The following LTBP1 variants were observed in gnomAD, a reference collection of about 807,000 sequenced individuals.
The protein encoded by LTBP1 is latent-transforming growth factor beta-binding protein 1.
A neutral mutation model predicts 207.6 loss-of-function variants in LTBP1; 129 were observed. The observed-to-expected ratio is 0.62, with a 90% CI of 0.54 to 0.72. The LOEUF is 0.72. Among genes scored for constraint, LTBP1 ranks in the 30% least tolerant of loss-of-function variants. LTBP1 has a pLI of 0.00. For missense variants in LTBP1, 2,281 were observed against 2,217.2 expected, an observed-to-expected ratio of 1.03 and a Z score of -0.58; for synonymous variants, 963 against 833.7, an observed-to-expected ratio of 1.16 and a Z score of -2.67.
At chr2:33,045,319 G>A (rs904059248) in intron 3 of LTBP1, among the ~76,000 whole-genome samples, 3 of 152,130 alleles carry the variant, frequency 2.0e-5, no homozygotes, top group South Asian at 2.1e-4. Context: ...TCCAGTTTCC[G>A]TTTTCTGCGT....
intron 3 of LTBP1, among the ~76,000 whole-genome samples, chr2:33,062,669 T>C (rs1368265520): frequency 2.0e-5 from 3 of 152,222 alleles, no homozygotes; most frequent in South Asian, 2.1e-4. Context: ...TTGATCCTTA[T>C]GCTAGTACAG....
chr2:33,390,621 G>A (rs2095307081), intron 32 of LTBP1, among the ~76,000 whole-genome samples: 1 of 151,976 alleles, frequency 6.6e-6, no homozygotes. Context: ...CCGAGAAGCT[G>A]GGACTACAGG....
At chr2:33,120,247 C>T (rs545245985) in intron 4 of LTBP1, among the ~76,000 whole-genome samples, 11 of 149,968 alleles carry the variant, frequency 7.3e-5, no homozygotes, top group Non-Finnish European at 8.9e-5. Context: ...TAGGTAAACA[C>T]GTGTCACGGG....
At chr2:33,260,162 T>C (rs2092972242) in intron 13 of LTBP1, among the ~76,000 whole-genome samples, 1 of 152,208 alleles carries the variant, frequency 6.6e-6, no homozygotes, top group African/African-American at 2.4e-5. Flanking sequence ...GGGCTATGAA[T>C]TGTGAGACAT....
intron 3 of LTBP1, among the ~76,000 whole-genome samples, chr2:33,054,059 C>T (rs2076871538): frequency 6.6e-6 from 1 of 152,154 alleles, no homozygotes; most frequent in South Asian, 2.1e-4. Context: ...AGTCAGAGTG[C>T]AGGACAATAC....
intron 4 of LTBP1, among the ~76,000 whole-genome samples, chr2:33,119,883 T>C (rs796775774): frequency 9.2e-5 from 14 of 152,308 alleles, no homozygotes; most frequent in African/African-American, 3.1e-4. Flanking sequence ...ATATTTTATA[T>C]GTGACATTTC....
chr2:33,035,319 G>T (rs1270363995), intron 3 of LTBP1, among the ~76,000 whole-genome samples: 2 of 152,146 alleles, frequency 1.3e-5, no homozygotes, highest in Admixed American at 1.3e-4. Flanking sequence ...CCTTGATATG[G>T]AGATGAGAAG....
intron 24 of LTBP1, among the ~76,000 whole-genome samples, chr2:33,325,088 C>T (rs1366742673): frequency 6.6e-6 from 1 of 152,142 alleles, no homozygotes; most frequent in Admixed American, 6.5e-5. Context: ...TTTAATTCTT[C>T]ACCCTTTGTT....
intron 26 of LTBP1, among the ~76,000 whole-genome samples, chr2:33,351,780 T>C (rs146295785): frequency 5.7e-4 from 87 of 152,338 alleles, no homozygotes; most frequent in African/African-American, 1.9e-3. Context: ...GACATTACTG[T>C]TCCCTGCATC....
chr2:33,270,216 A>T (rs1175133362), intron 15 of LTBP1, among the ~76,000 whole-genome samples: 2 of 151,972 alleles, frequency 1.3e-5, no homozygotes, highest in East Asian at 3.9e-4. Context: ...CACTGCACAC[A>T]GCCTCTGATG....
At chr2:33,381,311 T>A (rs1487030892) in intron 31 of LTBP1, among the ~76,000 whole-genome samples, 1 of 152,198 alleles carries the variant, frequency 6.6e-6, no homozygotes, top group Non-Finnish European at 1.5e-5. Context: ...TTTTTGGCAT[T>A]TCTACCCAAC....
intron 33 of LTBP1, among the ~76,000 whole-genome samples, chr2:33,397,524 T>TTTTGTATTTTTAGTA (rs2095369842): frequency 6.7e-6 from 1 of 148,850 alleles, no homozygotes; most frequent in Non-Finnish European, 1.5e-5. Context: ...TTTTTTTTTT[T>TTTTGTATTTTTAGTA]GAGATGGAGT....
chr2:33,398,485 A>G lies in LTBP1; in HGVS notation c.5106A>G (p.Pro1702=). Residue 1702 remains proline, a synonymous_variant, in exon 34 of 34, where the codon CCA becomes CCG. Coordinates refer to ENST00000404816, the MANE Select transcript of LTBP1 (RefSeq NM_206943.4). ...CLPGYVPSDK[P]NYCTPLNTAL... is the part of the protein sequence containing the mutation. Reference sequence around the variant, plus strand: ...CAGGCTACGTGCCTTCTGACAAGCCAAACTACTGCACTCCGTTGAATACCG... The same window carrying G: ...CAGGCTACGTGCCTTCTGACAAGCCGAACTACTGCACTCCGTTGAATACCG... 1 of 1,614,244 alleles carries G rather than the reference A, an allele frequency of 6.2e-7. No individual in the cohort carries two copies. The highest frequency in any genetic ancestry group is 8.5e-7 in the Non-Finnish European group (1 of 1,180,036).
chr2:33,083,940 TGAA>T (rs2078602808), intron 3 of LTBP1, among the ~76,000 whole-genome samples: 1 of 152,172 alleles, frequency 6.6e-6, no homozygotes, highest in African/African-American at 2.4e-5. Flanking sequence ...TTGGATACTC[TGAA>T]AGAGGAAGCT....
intron 7 of LTBP1, among the ~76,000 whole-genome samples, chr2:33,194,318 A>T (rs531193340): frequency 7.9e-5 from 12 of 152,288 alleles, no homozygotes; most frequent in African/African-American, 2.9e-4. Flanking sequence ...GCTAAAAATG[A>T]TTAACCTTAG....
chr2:33,057,702 C>T (rs967957306), intron 3 of LTBP1, among the ~76,000 whole-genome samples: 8 of 152,252 alleles, frequency 5.3e-5, no homozygotes, highest in South Asian at 2.1e-4. Flanking sequence ...GGGGCCGGCA[C>T]GGCTGGCCGG....
At chr2:33,186,584 A>G (rs531728708) in intron 5 of LTBP1, among the ~76,000 whole-genome samples, 1 of 152,186 alleles carries the variant, frequency 6.6e-6, no homozygotes, top group Admixed American at 6.5e-5. Context: ...GTATATACAC[A>G]CTCTTTTCCT....
intron 13 of LTBP1, 42 bp downstream of exon 13, chr2:33,259,652 C>T (rs763757954): frequency 6.4e-7 from 1 of 1,572,922 alleles, no homozygotes; most frequent in African/African-American, 1.4e-5. Context: ...TTTCAACGCT[C>T]AAAGTGATTT....
intron 4 of LTBP1, among the ~76,000 whole-genome samples, chr2:33,128,029 G>T (rs1425859158): frequency 2.0e-5 from 3 of 152,246 alleles, no homozygotes; most frequent in Middle Eastern, 3.4e-3. Flanking sequence ...AATGATATAG[G>T]ATCCTAATTT....
Sources: allele counts gnomAD v4.1 joint callset (sites outside exome capture counted in the v4.1 genomes callset), GRCh38; gene constraint gnomAD v4.1.1; transcripts MANE v1.5; gene names NCBI Gene and HGNC (gene_info 2026-07-23, HGNC 2026-07-21).